Variants in RANBP2 observed in about 807,000 individuals in gnomAD.
RANBP2 encodes the protein E3 SUMO-protein ligase RanBP2.
Under a neutral mutation model 303.6 loss-of-function variants are expected in RANBP2, and 57 were observed. The observed-to-expected ratio is 0.19, with a 90% CI of 0.15 to 0.23. RANBP2 has a LOEUF of 0.23. Among genes scored for constraint, RANBP2 ranks in the 10% least tolerant of loss-of-function variants. The pLI is 1.00. For synonymous variants in RANBP2, 1,167 were observed against 1,301.5 expected (o/e 0.90, Z 2.23); for missense variants, 3,138 against 3,780.8 (o/e 0.83, Z 4.46).
At chr2:108,781,004 C>T (rs897318627) in intron 25 of RANBP2, among the ~76,000 whole-genome samples, 1 of 151,840 alleles carries the variant, frequency 6.6e-6, no homozygotes, top group African/African-American at 2.4e-5. Flanking sequence ...CCACTGCGCC[C>T]AGCCTAATTT....
chr2:109,455,308 C>T, the RANBP2 span, among the ~76,000 whole-genome samples: 1 of 152,160 alleles, frequency 6.6e-6, no homozygotes, highest in South Asian at 2.1e-4. Context: ...ACATTGGACC[C>T]AGCCACAGCC....
At chr2:108,987,258 G>A in the RANBP2 span, among the ~76,000 whole-genome samples, 3 of 152,240 alleles carry the variant, frequency 2.0e-5, no homozygotes, top group Admixed American at 6.5e-5. Context: ...AGAAAGGAGC[G>A]TCAGGTAACC....
At chr2:109,313,035 T>G in the RANBP2 span, among the ~76,000 whole-genome samples, 1 of 152,120 alleles carries the variant, frequency 6.6e-6, no homozygotes, top group African/African-American at 2.4e-5. Flanking sequence ...AAATCTGCAG[T>G]GTTAAGAAGA....
At chr2:108,967,639 G>A in the RANBP2 span, among the ~76,000 whole-genome samples, 4 of 152,112 alleles carry the variant, frequency 2.6e-5, no homozygotes, top group African/African-American at 9.7e-5. Flanking sequence ...TGTCTTTGTA[G>A]GAAAATGTAA....
the RANBP2 span, among the ~76,000 whole-genome samples, chr2:109,014,629 C>T: frequency 6.6e-6 from 1 of 152,186 alleles, no homozygotes; most frequent in Non-Finnish European, 1.5e-5. Context: ...CATTTCTGAC[C>T]AGGTTTTCCC....
chr2:109,351,349 C>T, the RANBP2 span, among the ~76,000 whole-genome samples: 1 of 152,210 alleles, frequency 6.6e-6, no homozygotes, highest in African/African-American at 2.4e-5. Context: ...CCTTCCCAGT[C>T]TCAGGATGCC....
chr2:109,394,280 C>T, the RANBP2 span, among the ~76,000 whole-genome samples: 2 of 152,220 alleles, frequency 1.3e-5, no homozygotes, highest in African/African-American at 4.8e-5. Flanking sequence ...GGCAGCCACT[C>T]GAGGTCACAG....
chr2:109,127,124 T>C, the RANBP2 span, among the ~76,000 whole-genome samples: 1 of 152,204 alleles, frequency 6.6e-6, no homozygotes, highest in Non-Finnish European at 1.5e-5. Context: ...ATGTAAATCA[T>C]ACAGATGGAA....
the RANBP2 span, among the ~76,000 whole-genome samples, chr2:108,796,344 G>A: frequency 6.6e-6 from 1 of 152,076 alleles, no homozygotes; most frequent in Non-Finnish European, 1.5e-5. Context: ...GTGAGCCACC[G>A]CGCCTGGCCA....
the RANBP2 span, among the ~76,000 whole-genome samples, chr2:108,902,026 T>C: frequency 6.6e-6 from 1 of 151,156 alleles, no homozygotes; most frequent in African/African-American, 2.4e-5. Flanking sequence ...GACCACAAGG[T>C]CAGGAGTTCA....
At chr2:108,992,943 C>T in the RANBP2 span, among the ~76,000 whole-genome samples, 1 of 151,180 alleles carries the variant, frequency 6.6e-6, no homozygotes, top group Non-Finnish European at 1.5e-5. Context: ...CACTGGCCAG[C>T]TAGTTTTTAA....
Position 108,781,409 on chromosome 2 carries a change from C to T in RANBP2, c.8740C>T (p.Pro2914Ser). Residue 2914 changes from proline (P) to serine (S), a missense_variant, in exon 26 of 29, where the codon CCA becomes TCA. Around this residue, in one of 20 missense-constraint regions of RANBP2, gnomAD observed 68 missense variants for 117.4 expected, o/e 0.58. Transcript: ENST00000283195. ...VVHNEDIHFE[P>S]IVSLPEVEVK... ...TCATAATGAAGATATCCATTTTGAACCAATAGTGTCACTACCAGAGGTAAA... is the reference window on the plus strand; with the variant it reads ...TCATAATGAAGATATCCATTTTGAATCAATAGTGTCACTACCAGAGGTAAA... 1 of 1,614,040 alleles carries T rather than the reference C, an allele frequency of 6.2e-7. No individual in the cohort carries two copies. The highest frequency in any genetic ancestry group is 1.1e-5 in the South Asian group (1 of 91,074).
At chr2:109,358,505 C>T in the RANBP2 span, among the ~76,000 whole-genome samples, 3 of 152,200 alleles carry the variant, frequency 2.0e-5, no homozygotes, top group African/African-American at 4.8e-5. Flanking sequence ...GGCCATTTTG[C>T]ATTTCTGCCA....
chr2:109,415,742 C>T, the RANBP2 span, among the ~76,000 whole-genome samples: 1 of 152,220 alleles, frequency 6.6e-6, no homozygotes, highest in Non-Finnish European at 1.5e-5. Context: ...ACCGTCACTT[C>T]ATCTGGCCTC....
chr2:109,168,910 A>T, the RANBP2 span, among the ~76,000 whole-genome samples: 1 of 151,848 alleles, frequency 6.6e-6, no homozygotes, highest in Non-Finnish European at 1.5e-5. Context: ...TATCTTCAGG[A>T]CTCCTGAGCC....
Position 108,763,382 on chromosome 2 carries a change from C to T in RANBP2, c.2843C>T (p.Ser948Phe), listed in dbSNP as rs776280651. The change falls in exon 20 of 29, where the codon TCT becomes TTT. Residue 948 changes from serine (S) to phenylalanine (F), a missense_variant. Ser to Phe is a radical substitution (Grantham distance 155, BLOSUM62 -2). Around this residue, in one of 20 missense-constraint regions of RANBP2, gnomAD observed 403 missense variants for 376.7 expected, o/e 1.07. Transcript: ENST00000283195. ...MYGPPALRFESPATGILSPRG... is the reference protein window; with the variant it reads ...MYGPPALRFEFPATGILSPRG... The stretch of plus-strand genomic sequence containing the variant: ...GGTCCTCCTGCATTGCGTTTTGAGT[C>T]TCCTGCAACGGGAATTCTATCGCCC... The T allele has an allele frequency of 1.2e-6, 2 of 1,613,944 alleles. No individual in the cohort carries two copies. The highest frequency in any genetic ancestry group is 2.2e-5 in the South Asian group (2 of 91,080).
chr2:109,673,659 T>A, the RANBP2 span, among the ~76,000 whole-genome samples: 1 of 151,670 alleles, frequency 6.6e-6, no homozygotes, highest in East Asian at 1.9e-4. Flanking sequence ...AGGTCAGGAG[T>A]TCGAGACGAG....
chr2:109,353,875 C>G, the RANBP2 span, among the ~76,000 whole-genome samples: 1 of 152,244 alleles, frequency 6.6e-6, no homozygotes, highest in South Asian at 2.1e-4. Flanking sequence ...GCAGGTTCCC[C>G]TCAGCCCTCA....
chr2:108,782,641 G>C lies in RANBP2; in HGVS notation c.9148G>C (p.Gly3050Arg), dbSNP rs770114161. The C allele has an allele frequency of 1.9e-6, 3 of 1,614,184 alleles. No individual in the cohort carries two copies. The highest frequency in any genetic ancestry group is 1.7e-6 in the Non-Finnish European group (2 of 1,180,030). ...CQQNLMKLQK[G>R]HVSLAAELSK... is the part of the protein sequence containing the mutation. ...GCAGAATTTAATGAAACTCCAGAAA[G>C]GACATGTATCACTGGCAGCAGAATT... The change falls in exon 28 of 29, where the codon GGA (glycine) becomes CGA (arginine). Residue 3050 changes from glycine (G) to arginine (R), a missense_variant. Gly to Arg is a moderately radical substitution (Grantham distance 125). Around this residue, in one of 20 missense-constraint regions of RANBP2, gnomAD observed 204 missense variants for 228.4 expected, o/e 0.89. Coordinates refer to ENST00000283195, the MANE Select transcript of RANBP2 (RefSeq NM_006267.5).
Sources: gnomAD v4.1 joint callset for allele counts (sites outside exome capture counted in the v4.1 genomes callset) on GRCh38, gnomAD v4.1.1 for gene constraint, gnomAD v4.1.1 regional missense constraint, MANE v1.5 for transcripts, NCBI Gene and HGNC (gene_info 2026-07-23, HGNC 2026-07-21) for gene names.